The following RXRA variants were observed in gnomAD, a reference collection of about 807,000 sequenced individuals.
RXRA encodes the protein retinoic acid receptor RXR-alpha.
A neutral mutation model predicts 44.5 loss-of-function variants in RXRA; 5 were observed. The observed-to-expected ratio is 0.11, with a 90% CI of 0.06 to 0.24. The LOEUF is 0.24. RXRA is among the 10% of genes least tolerant of loss of function. The pLI is 1.00. For synonymous variants in RXRA, 291 were observed against 271.4 expected (o/e 1.07, Z -0.71); for missense variants, 412 against 646.5 (o/e 0.64, Z 3.93).
rs1429240663 is a variant in RXRA at position 134,440,454 on chromosome 9, ACAT to A, written c.*3842_*3844del. On this transcript the variant is annotated 3_prime_UTR_variant, in exon 10 of 10. Transcript: ENST00000481739. ...GCTTCTCCGTACGATTGTCTCTGAA[ACAT>A]CGTGGCCTCAGGTGCCAGGGTTTGA... 1 of 152,642 alleles carries A rather than the reference ACAT, an allele frequency of 6.6e-6. No homozygotes were observed. Among genetic ancestry groups the A allele is most frequent in the Admixed American group, 6.5e-5 (1 of 15,288 alleles). The allele number at this position is 152,642 out of a possible 1,614,324, so 9.5% of individuals were successfully genotyped here.
chr9:134,357,187 C>G (rs1830293730), intron 1 of RXRA, among the ~76,000 whole-genome samples: 1 of 152,236 alleles, frequency 6.6e-6, no homozygotes, highest in South Asian at 2.1e-4. Flanking sequence ...GATAGTTGCC[C>G]AGGCACTGAG....
At chr9:134,362,723 C>T (rs1284815954) in intron 1 of RXRA, among the ~76,000 whole-genome samples, 1 of 152,258 alleles carries the variant, frequency 6.6e-6, no homozygotes, top group African/African-American at 2.4e-5. Context: ...AGCAAGGCCC[C>T]CACGAGTGTA....
At chr9:134,422,465 C>A in intron 6 of RXRA, 1 of 1,258,070 alleles carries the variant, frequency 7.9e-7, no homozygotes, top group Non-Finnish European at 1.0e-6. Context: ...TCCCGGGACA[C>A]ACTCCCTGCT....
intron 1 of RXRA, among the ~76,000 whole-genome samples, chr9:134,360,249 T>C (rs1020309504): frequency 1.3e-5 from 2 of 152,158 alleles, no homozygotes; most frequent in East Asian, 3.9e-4. Flanking sequence ...CTGCCTTCCC[T>C]GGAGGCTGCA....
chr9:134,352,827 A>G (rs1830238038), intron 1 of RXRA, among the ~76,000 whole-genome samples: 1 of 152,282 alleles, frequency 6.6e-6, no homozygotes, highest in Non-Finnish European at 1.5e-5. Flanking sequence ...GGGGACATCC[A>G]GGGCTCTTGG....
intron 1 of RXRA, among the ~76,000 whole-genome samples, chr9:134,391,550 C>T (rs1384770582): frequency 6.6e-6 from 1 of 152,236 alleles, no homozygotes; most frequent in Non-Finnish European, 1.5e-5. Context: ...CCCTGCTTCC[C>T]ACTCACCCTC....
rs897057252 is a variant in RXRA, at chr9:134,423,900, T to A, written c.910+2095T>A. ...ACCCCACCCCAACCCACCAGACCGA[T>A]CCAGAGAACAGCTGGCCGCACGCAG... On this transcript the variant is annotated intron_variant, in intron 6 of 9. Coordinates refer to ENST00000481739, the MANE Select transcript of RXRA (RefSeq NM_002957.6). The A allele has an allele frequency of 3.2e-6, 3 of 951,918 alleles. No individual in the cohort carries two copies. The African/African-American group carries it at 5.3e-5, about 17-fold the overall frequency. 59.0% of individuals were successfully genotyped at this position (951,918 alleles called of 1,614,324 possible). A position where few individuals can be genotyped will look rare whatever the true frequency, so the allele number is the denominator to read the frequency against.
intron 1 of RXRA, among the ~76,000 whole-genome samples, chr9:134,367,598 G>A (rs1231177359): frequency 6.6e-6 from 1 of 152,226 alleles, no homozygotes; most frequent in Non-Finnish European, 1.5e-5. Context: ...CCAAGCTGTC[G>A]GTGCAGTGCG....
In RXRA at chr9:134,436,760, A is replaced by G. The variant is rs114844560; in HGVS notation, c.*146A>G. ...ACAGCCTGTCACTGCTCTGCCTAAGAGATGTGTTGTCACCCTCCTTATTTC... is the reference window on the plus strand; with the variant it reads ...ACAGCCTGTCACTGCTCTGCCTAAGGGATGTGTTGTCACCCTCCTTATTTC... On this transcript the variant is annotated 3_prime_UTR_variant, in exon 10 of 10. Coordinates refer to ENST00000481739, the MANE Select transcript of RXRA (RefSeq NM_002957.6). 264 of 845,902 alleles carry G rather than the reference A, an allele frequency of 3.1e-4. No homozygotes were observed. In the African/African-American group the frequency reaches 4.3e-3, roughly 14 times the overall value. 52.4% of individuals were successfully genotyped at this position (845,902 alleles called of 1,614,324 possible). A position where few individuals can be genotyped will look rare whatever the true frequency, so the allele number is the denominator to read the frequency against.
At position 134,343,287 on chromosome 9, in the gene RXRA, CCTGTCCTTCAGTT is replaced by C. The variant is rs1830108875; in HGVS notation, c.28+16631_28+16643del. 6.6e-6 allele frequency among the ~76,000 whole-genome samples: 1 copy of C among 152,134 alleles called. No homozygotes were observed. The highest frequency in any genetic ancestry group is 2.1e-4 in the South Asian group (1 of 4,830). On this transcript the variant is annotated intron_variant, in intron 1 of 9. Coordinates refer to ENST00000481739, the MANE Select transcript of RXRA (RefSeq NM_002957.6). This position sits in a 1 kb window ranked among gnomAD's most constrained non-coding sequence, Gnocchi z 4.1. ...GTTGTGAGGGTTGACTGAAGTAAGG[CCTGTCCTTCAGTT>C]CTTGCCTGGGAGCAGGGAAGGCCCT...
intron 1 of RXRA, among the ~76,000 whole-genome samples, chr9:134,347,373 G>A (rs1554748953): frequency 6.6e-6 from 1 of 152,258 alleles, no homozygotes; most frequent in African/African-American, 2.4e-5. Flanking sequence ...CTCGTGGTCA[G>A]CCTGCCTTTG....
intron 1 of RXRA, among the ~76,000 whole-genome samples, chr9:134,370,640 G>A (rs767705689): frequency 1.5e-4 from 23 of 152,212 alleles, no homozygotes; most frequent in Non-Finnish European, 3.1e-4. Context: ...CTCCCTGGTC[G>A]TCCTTCCTCG....
At chr9:134,361,879 C>T (rs2119063964) in intron 1 of RXRA, among the ~76,000 whole-genome samples, 1 of 152,286 alleles carries the variant, frequency 6.6e-6, no homozygotes, top group East Asian at 1.9e-4. Flanking sequence ...TCCTCAGGGT[C>T]CCCATCTGTA....
chr9:134,425,820 G>C (rs186753856), intron 6 of RXRA: 1 of 985,358 alleles, frequency 1.0e-6, no homozygotes, highest in African/African-American at 1.7e-5. Flanking sequence ...CTCTGGGGGG[G>C]CCCTGCCCTG....
chr9:134,421,503 G>A (rs1831330152), intron 5 of RXRA, among the ~76,000 whole-genome samples, 173 bp from the exon 6 acceptor site: 1 of 152,144 alleles, frequency 6.6e-6, no homozygotes, highest in Admixed American at 6.5e-5. Flanking sequence ...AGCCCCATGT[G>A]CCATGCAAGG....
intron 1 of RXRA, among the ~76,000 whole-genome samples, chr9:134,396,053 G>A (rs1830873802): frequency 6.6e-6 from 1 of 152,202 alleles, no homozygotes; most frequent in Non-Finnish European, 1.5e-5. Context: ...CCGAGGGCCC[G>A]TAGGGCCCAT....
chr9:134,415,377 C>T (rs576791765), intron 4 of RXRA, among the ~76,000 whole-genome samples: 7 of 149,292 alleles, frequency 4.7e-5, no homozygotes, highest in Admixed American at 2.7e-4. Flanking sequence ...GAGAAAGTGG[C>T]GGCTGACACC....
chr9:134,417,737 G>A lies in RXRA; in HGVS notation c.780+410G>A, dbSNP rs1423524149. 1.3e-5 allele frequency among the ~76,000 whole-genome samples: 2 copies of A among 152,188 alleles called. No individual in the cohort carries two copies. The highest frequency in any genetic ancestry group is 2.4e-5 in the African/African-American group (1 of 41,436). On this transcript the variant is annotated intron_variant, in intron 5 of 9. Coordinates refer to ENST00000481739, the MANE Select transcript of RXRA (RefSeq NM_002957.6). The surrounding 1 kb of genome is among the most constrained non-coding windows in gnomAD (Gnocchi z 6.1). ...GGAGGAGGCCGAGCCCCCAGCAAGA[G>A]GCTCTGCAGGTTGGTTCCAGGGCTG...
chr9:134,382,596 A>C (rs559509591), intron 1 of RXRA, among the ~76,000 whole-genome samples: 1 of 152,172 alleles, frequency 6.6e-6, no homozygotes, highest in Admixed American at 6.5e-5. Context: ...TGTGGGATTC[A>C]TGGGGTGCTG....
Sources: gnomAD v4.1 joint callset for allele counts (sites outside exome capture counted in the v4.1 genomes callset) on GRCh38, gnomAD v4.1.1 for gene constraint, Gnocchi (gnomAD v3.1) non-coding constraint, MANE v1.5 for transcripts, NCBI Gene and HGNC (gene_info 2026-07-23, HGNC 2026-07-21) for gene names.